KRT86: variants seen among roughly 807,000 people sequenced by gnomAD.
KRT86 encodes the protein keratin 86, also known as keratin, type II cuticular Hb6.
KRT86 carries 30 observed loss-of-function variants against 41.2 expected under a neutral mutation model. The ratio of observed to expected loss-of-function variants is 0.73; its 90% CI spans 0.54 to 0.99. The LOEUF (loss-of-function observed/expected upper bound fraction) is 0.99, where lower values mean the gene tolerates loss of function less well. KRT86 is among the 50% of genes least tolerant of loss of function. The pLI is 0.00. For synonymous variants in KRT86, 238 were observed against 238.1 expected, an observed-to-expected ratio of 1.00 and a Z score of 0.00; for missense variants, 561 against 571.4, an observed-to-expected ratio of 0.98 and a Z score of 0.19.
At chr12:52,288,489 C>A in intron 2 of KRT86, 1 of 1,611,988 alleles carries the variant, frequency 6.2e-7, no homozygotes. Flanking sequence ...AGCTCAAGGA[C>A]CCTGGTGATC....
chr12:52,307,934 A>C (rs1938553588), intron 9 of KRT86, among the ~76,000 whole-genome samples: 1 of 152,228 alleles, frequency 6.6e-6, no homozygotes, highest in Non-Finnish European at 1.5e-5. Context: ...TTCTTATTTG[A>C]TTCAGTCCTC....
chr12:52,305,624 T>C, intron 7 of KRT86, 39 bp from the exon 8 acceptor site: 4 of 1,613,746 alleles, frequency 2.5e-6, no homozygotes, highest in South Asian at 1.1e-5. Flanking sequence ...GGGTGGGAGG[T>C]CCCACCCTGA....
At chr12:52,296,461 C>T (rs1408967640) in intron 2 of KRT86, among the ~76,000 whole-genome samples, 1 of 152,194 alleles carries the variant, frequency 6.6e-6, no homozygotes, top group East Asian at 1.9e-4. Context: ...GGACATGGGG[C>T]GAGGGAGGTG....
rs1938514936 is a variant in KRT86 at position 52,306,234 on chromosome 12, A to G, written c.1201A>G (p.Ile401Val). 1 of 1,613,700 alleles carries G rather than the reference A, an allele frequency of 6.2e-7. No homozygotes were observed. Among genetic ancestry groups the G allele is most frequent in the Non-Finnish European group, 8.5e-7 (1 of 1,180,030 alleles). The change falls in exon 9 of 11, where the codon ATC becomes GTC. Residue 401 changes from isoleucine to valine, a missense_variant. Coordinates refer to ENST00000423955, the MANE Select transcript of KRT86 (RefSeq NM_001320198.2). ...EVMNSKLGLD[I>V]EIATYRRLLE... ...GATGAACTCCAAGCTGGGCCTGGAC[A>G]TCGAGATCGCCACCTACAGGCGCCT...
At chr12:52,282,666 C>T (rs1045140389) in intron 2 of KRT86, among the ~76,000 whole-genome samples, 1 of 152,326 alleles carries the variant, frequency 6.6e-6, no homozygotes, top group Admixed American at 6.5e-5. Context: ...AGAGCAAGGG[C>T]TCCTTGGCCA....
intron 2 of KRT86, chr12:52,291,412 G>T (rs770430502): frequency 1.2e-6 from 2 of 1,611,242 alleles, no homozygotes; most frequent in Admixed American, 1.7e-5. Context: ...GCCGCGGCCC[G>T]CAGGCCGAGA....
chr12:52,293,482 G>A (rs1938183034), intron 2 of KRT86, among the ~76,000 whole-genome samples: 1 of 152,164 alleles, frequency 6.6e-6, no homozygotes, highest in African/African-American at 2.4e-5. Context: ...GGGAGTATCT[G>A]TGAATTTAGG....
At position 52,306,067 on chromosome 12, in the gene KRT86, A is replaced by G. The variant is rs372469887; in HGVS notation, c.1034A>G (p.Lys345Arg). The G allele has an allele frequency of 6.8e-6, 11 of 1,613,894 alleles. No homozygotes were observed. The highest frequency in any genetic ancestry group is 9.3e-6 in the Non-Finnish European group (11 of 1,180,004). ...TCTCTCTGTTCTCTTCAGAATTCCA[A>G]GCTGGAGGCTGCGGTGGCTCAGTCT... ...EVENAKCQNS[K>R]LEAAVAQSEQ... The change falls in exon 9 of 11, where the codon AAG becomes AGG. Residue 345 changes from lysine (K) to arginine (R), a missense_variant. By Grantham distance (26) the Lys-to-Arg change is conservative. Around this residue, in one of 3 missense-constraint regions of KRT86, gnomAD observed 397 missense variants for 375.9 expected, o/e 1.06. Coordinates refer to ENST00000423955, the MANE Select transcript of KRT86 (RefSeq NM_001320198.2).
chr12:52,308,577 AG>A lies in KRT86; in HGVS notation c.1455del (p.Arg485SerfsTer35). The part of the protein sequence containing the change: ...RVGVCGGSCK[R>X]C ...TGGCGTCTGCGGCGGCAGCTGTAAG[AG>A]GTGCTAGGAGGCTGCCGCCTCCGCC... On this transcript the variant is annotated frameshift_variant, in exon 11 of 11. Coordinates refer to ENST00000423955, the MANE Select transcript of KRT86 (RefSeq NM_001320198.2). LOFTEE classifies it high-confidence loss of function. 2 of 1,597,046 alleles carry A rather than the reference AG, an allele frequency of 1.3e-6. No individual in the cohort carries two copies. Among genetic ancestry groups the A allele is most frequent in the African/African-American group, 1.3e-5 (1 of 74,998 alleles).
Position 52,308,431 on chromosome 12 carries a change from T to A in KRT86, c.1307T>A (p.Val436Asp), listed in dbSNP as rs1281176703. 1 of 1,611,888 alleles carries A rather than the reference T, an allele frequency of 6.2e-7. No individual in the cohort carries two copies. The highest frequency in any genetic ancestry group is 1.3e-5 in the African/African-American group (1 of 74,928). Residue 436 changes from valine (V) to aspartate (D), a missense_variant, in exon 11 of 11, where the codon GTC becomes GAC. Physicochemically the swap from Val to Asp is radical, Grantham distance 152. Transcript: ENST00000423955. The part of the protein sequence containing the change: ...VCVSSSRGGV[V>D]CGDLCASTTA... ...GTCAGCAGCTCCCGCGGTGGCGTTG[T>A]CTGTGGCGATCTCTGCGCCTCCACT...
rs199724105 is a variant in KRT86 at position 52,305,366 on chromosome 12, C to A, written c.862C>A (p.Arg288Ser). 7 of 1,614,230 alleles carry A rather than the reference C, an allele frequency of 4.3e-6. No homozygotes were observed. Among genetic ancestry groups the A allele is most frequent in the Admixed American group, 1.7e-5 (1 of 60,032 alleles). Residue 288 changes from arginine to serine, a missense_variant, in exon 7 of 11, where the codon CGT (arginine) becomes AGT (serine). Physicochemically the swap from Arg to Ser is moderately radical, Grantham distance 110. Coordinates refer to ENST00000423955, the MANE Select transcript of KRT86 (RefSeq NM_001320198.2). ...IKAQYDDIVT[R>S]SRAEAESWYR... ...GGCACAGTACGATGACATTGTCACCCGTAGCCGGGCTGAGGCCGAGTCCTG... is the reference window on the plus strand; with the variant it reads ...GGCACAGTACGATGACATTGTCACCAGTAGCCGGGCTGAGGCCGAGTCCTG...
At chr12:52,295,199 T>C (rs1374536625) in intron 2 of KRT86, among the ~76,000 whole-genome samples, 2 of 152,194 alleles carry the variant, frequency 1.3e-5, no homozygotes, top group Non-Finnish European at 2.9e-5. Context: ...CCAAACTTAA[T>C]AATAAAATCT....
intron 2 of KRT86, among the ~76,000 whole-genome samples, chr12:52,299,529 T>C (rs138293911): frequency 0.017 from 2,661 of 152,354 alleles, 29 homozygotes; most frequent in Middle Eastern, 0.058. Flanking sequence ...CATACTGTTT[T>C]CCATAGTGGC....
intron 2 of KRT86, among the ~76,000 whole-genome samples, chr12:52,294,883 T>G (rs1290643812): frequency 6.6e-6 from 1 of 152,264 alleles, no homozygotes; most frequent in African/African-American, 2.4e-5. Context: ...AATGGACTCA[T>G]GTTGCATGGA....
intron 2 of KRT86, among the ~76,000 whole-genome samples, chr12:52,280,664 G>T (rs1937751541): frequency 6.6e-6 from 1 of 152,172 alleles, no homozygotes. Context: ...GAGGGGTAGG[G>T]GGCATGACCC....
intron 2 of KRT86, among the ~76,000 whole-genome samples, chr12:52,280,548 C>T (rs932911711): frequency 6.6e-6 from 1 of 152,164 alleles, no homozygotes; most frequent in Non-Finnish European, 1.5e-5. Context: ...CTTCTGGGTG[C>T]CTGCCCAGAG....
In KRT86 at chr12:52,305,684, G is replaced by C. The variant is rs1212456553; in HGVS notation, c.922G>C (p.Val308Leu). ...CCAGTGTGAGGAGATGAAGGCCACG[G>C]TGATCAGGCACGGGGAGACCCTGCG... ...RSKCEEMKAT[V>L]IRHGETLRRT... Residue 308 changes from valine (V) to leucine (L), a missense_variant, in exon 8 of 11, where the codon GTG becomes CTG. Coordinates refer to ENST00000423955, the MANE Select transcript of KRT86 (RefSeq NM_001320198.2). 6.2e-7 allele frequency: 1 copy of C among 1,614,128 alleles called. No homozygotes were observed.
Position 52,305,782 on chromosome 12 carries a change from G to C in KRT86, c.1020G>C (p.Lys340Asn). 1 of 1,614,018 alleles carries C rather than the reference G, an allele frequency of 6.2e-7. No homozygotes were observed. The highest frequency in any genetic ancestry group is 8.5e-7 in the Non-Finnish European group (1 of 1,179,884). Residue 340 changes from lysine to asparagine, a missense_variant, in exon 8 of 11, where the codon AAG (lysine) becomes AAC (asparagine). Physicochemically the swap from Lys to Asn is moderately conservative, Grantham distance 94. Around this residue, in one of 3 missense-constraint regions of KRT86, gnomAD observed 397 missense variants for 375.9 expected, o/e 1.06. Transcript: ENST00000423955. Reference sequence around the variant, plus strand: ...TGACGGCTGAGGTGGAGAATGCCAAGTGCCAGGTATGGGGCATCTGTGCCC... The same window carrying C: ...TGACGGCTGAGGTGGAGAATGCCAACTGCCAGGTATGGGGCATCTGTGCCC... ...QRLTAEVENAKCQNSKLEAAV... is the reference protein window; with the variant it reads ...QRLTAEVENANCQNSKLEAAV...
At chr12:52,293,582 G>A (rs973539573) in intron 2 of KRT86, among the ~76,000 whole-genome samples, 2 of 152,180 alleles carry the variant, frequency 1.3e-5, no homozygotes, top group Non-Finnish European at 2.9e-5. Flanking sequence ...GACACACGGC[G>A]ATGTGAGGCT....
Sources: gnomAD v4.1 joint callset for allele counts (sites outside exome capture counted in the v4.1 genomes callset) on GRCh38, gnomAD v4.1.1 for gene constraint, gnomAD v4.1.1 regional missense constraint, MANE v1.5 for transcripts, NCBI Gene and HGNC (gene_info 2026-07-23, HGNC 2026-07-21) for gene names.